POMP: variants seen among roughly 807,000 people sequenced by gnomAD.
POMP encodes the protein proteasome maturation protein, also known as 2510048O06Rik.
A neutral mutation model predicts 20.6 loss-of-function variants in POMP; 12 were observed. That is an observed-to-expected ratio of 0.58 (90% CI 0.37 to 0.94). The LOEUF is 0.94. POMP is among the 40% of genes least tolerant of loss of function. The pLI, the probability that POMP is intolerant of heterozygous loss-of-function variation, is 0.01. For missense variants in POMP, 136 were observed against 161.1 expected (o/e 0.84, Z 0.84); for synonymous variants, 53 against 55.0 (o/e 0.96, Z 0.16).
chr13:28,670,435 A>G (rs562936575), intron 4 of POMP, among the ~76,000 whole-genome samples: 2 of 152,300 alleles, frequency 1.3e-5, no homozygotes, highest in Admixed American at 6.5e-5. Flanking sequence ...TGCCCCTGTC[A>G]GACTTCATCT....
chr13:28,677,782 G>T (rs150299909), intron 5 of POMP, among the ~76,000 whole-genome samples: 252 of 152,234 alleles, frequency 1.7e-3, no homozygotes, highest in African/African-American at 5.9e-3. Flanking sequence ...ATTTTTAAGT[G>T]TACAGTTCTG....
Position 28,672,369 on chromosome 13 carries a change from A to G in POMP, c.295A>G (p.Asn99Asp). The part of the protein sequence containing the change: ...VQRLPFLSSS[N>D]LSLDVLRGND... ...GCGTCTTCCATTTCTTTCAAGCTCA[A>G]ATCTTTCACTGGATGTTTTGAGGGG... The change falls in exon 5 of 6, where the codon AAT (asparagine) becomes GAT (aspartate). Residue 99 changes from asparagine (N) to aspartate (D), a missense_variant. By Grantham distance (23) the Asn-to-Asp change is conservative. Transcript: ENST00000380842. 2 of 1,611,208 alleles carry G rather than the reference A, an allele frequency of 1.2e-6. No homozygotes were observed. The highest frequency in any genetic ancestry group is 1.7e-6 in the Non-Finnish European group (2 of 1,177,442).
At chr13:28,664,378 T>A (rs1009163741) in intron 2 of POMP, 131 bp from the exon 3 acceptor site, 54 of 619,406 alleles carry the variant, frequency 8.7e-5, no homozygotes, top group Non-Finnish European at 7.0e-5. Flanking sequence ...GTCACCACAG[T>A]CAAGATACAG....
intron 1 of POMP, among the ~76,000 whole-genome samples, chr13:28,661,414 C>G (rs760971595): frequency 1.3e-5 from 2 of 152,180 alleles, no homozygotes; most frequent in Non-Finnish European, 2.9e-5. Context: ...TGCAGTTAGC[C>G]GTGATTGCTC....
intron 5 of POMP, among the ~76,000 whole-genome samples, chr13:28,672,881 A>G (rs1298206469): frequency 6.6e-6 from 1 of 152,194 alleles, no homozygotes; most frequent in East Asian, 1.9e-4. Context: ...TGACTTAAAC[A>G]ATGATAATTA....
rs1884660790 is a variant in POMP, at chr13:28,678,173, C to T, written c.*71C>T. The T allele has an allele frequency of 2.8e-6, 4 of 1,427,646 alleles. No homozygotes were observed. Among genetic ancestry groups the T allele is most frequent in the Non-Finnish European group, 4.0e-6 (4 of 1,011,486 alleles). The allele number at this position is 1,427,646 out of a possible 1,614,324, so 88.4% of individuals were successfully genotyped here. ...CATCTTTGTACTGTAATTTGATGTA[C>T]ACAACATTAAAAGTACTGACACCTG... On this transcript the variant is annotated 3_prime_UTR_variant, in exon 6 of 6. Coordinates refer to ENST00000380842, the MANE Select transcript of POMP (RefSeq NM_015932.6).
At chr13:28,663,315 TTATTTA>T (rs1884381269) in intron 2 of POMP, among the ~76,000 whole-genome samples, 1 of 152,180 alleles carries the variant, frequency 6.6e-6, no homozygotes, top group African/African-American at 2.4e-5. Context: ...TTTTGTTTAT[TTATTTA>T]TTTTTTGAGA....
At chr13:28,666,358 T>C (rs185252531) in intron 3 of POMP, among the ~76,000 whole-genome samples, 1 of 152,356 alleles carries the variant, frequency 6.6e-6, no homozygotes, top group Non-Finnish European at 1.5e-5. Context: ...GGAGATTATA[T>C]TATTTTCCTG....
intron 4 of POMP, among the ~76,000 whole-genome samples, chr13:28,668,866 G>A (rs185935552): frequency 1.8e-4 from 27 of 152,002 alleles, no homozygotes; most frequent in Non-Finnish European, 3.7e-4. Flanking sequence ...GAATATCCAA[G>A]TGGAGGTGTC....
intron 3 of POMP, 131 bp downstream of exon 3, chr13:28,664,700 A>G (rs374086606): frequency 8.1e-6 from 5 of 619,254 alleles, no homozygotes; most frequent in East Asian, 2.9e-5. Flanking sequence ...GTTATTTTCA[A>G]ACCCCTTGTA....
intron 1 of POMP, among the ~76,000 whole-genome samples, chr13:28,661,686 CTG>C (rs1884344428): frequency 1.3e-5 from 2 of 152,180 alleles, no homozygotes; most frequent in Admixed American, 1.3e-4. Flanking sequence ...ACCAAATGCA[CTG>C]TCTTTTTTAC....
chr13:28,666,566 T>C (rs980612584), intron 3 of POMP, among the ~76,000 whole-genome samples: 6 of 152,246 alleles, frequency 3.9e-5, no homozygotes, highest in Non-Finnish European at 7.3e-5. Context: ...GTCTCACTCT[T>C]TATGTGACTC....
intron 1 of POMP, 43 bp from the exon 2 acceptor site, chr13:28,662,366 TA>T: frequency 6.8e-7 from 1 of 1,478,142 alleles, no homozygotes; most frequent in Non-Finnish European, 9.4e-7. Flanking sequence ...GGTGTGTGTT[TA>T]AATTTTTTTT....
At chr13:28,671,489 G>A (rs1238984982) in intron 4 of POMP, among the ~76,000 whole-genome samples, 1 of 144,904 alleles carries the variant, frequency 6.9e-6, no homozygotes, top group East Asian at 2.0e-4. Context: ...TTGCAGTTTT[G>A]GGTTGTCAAG....
chr13:28,662,769 T>A (rs1884368728), intron 2 of POMP, among the ~76,000 whole-genome samples: 1 of 152,196 alleles, frequency 6.6e-6, no homozygotes, highest in African/African-American at 2.4e-5. Context: ...TTTTTATTTA[T>A]TTTTTTGCTA....
chr13:28,674,810 G>T (rs1323538266), intron 5 of POMP, among the ~76,000 whole-genome samples: 1 of 152,136 alleles, frequency 6.6e-6, no homozygotes, highest in African/African-American at 2.4e-5. Context: ...AGGCAGAGGT[G>T]GGAGGATCAG....
At chr13:28,674,408 C>T (rs1016822848) in intron 5 of POMP, among the ~76,000 whole-genome samples, 4 of 152,160 alleles carry the variant, frequency 2.6e-5, no homozygotes, top group Non-Finnish European at 2.9e-5. Context: ...ACCTGCCTGT[C>T]CTGTGCTGCT....
chr13:28,666,996 A>T (rs1884459989), intron 3 of POMP, among the ~76,000 whole-genome samples: 1 of 152,162 alleles, frequency 6.6e-6, no homozygotes, highest in Non-Finnish European at 1.5e-5. Flanking sequence ...TGCCACAGTG[A>T]AGAATTATCT....
intron 2 of POMP, among the ~76,000 whole-genome samples, chr13:28,663,499 G>A (rs1884385244): frequency 2.0e-5 from 3 of 152,132 alleles, no homozygotes; most frequent in Admixed American, 1.3e-4. Flanking sequence ...TAGTAGAGAC[G>A]GGGTTTCTCT....
Sources: gnomAD v4.1 joint callset for allele counts (sites outside exome capture counted in the v4.1 genomes callset) on GRCh38, gnomAD v4.1.1 for gene constraint, MANE v1.5 for transcripts, NCBI Gene and HGNC (gene_info 2026-07-23, HGNC 2026-07-21) for gene names.